PAPOLG: variants seen among roughly 807,000 people sequenced by gnomAD.
The protein encoded by PAPOLG is PAP-gamma.
PAPOLG carries 40 observed loss-of-function variants against 99.0 expected under a neutral mutation model. That is an observed-to-expected ratio of 0.40 (90% CI 0.31 to 0.53). PAPOLG has a LOEUF of 0.53. Among genes scored for constraint, PAPOLG ranks in the 20% least tolerant of loss-of-function variants. The pLI is 0.41. For missense variants in PAPOLG, 675 were observed against 884.1 expected (o/e 0.76, Z 3.00); for synonymous variants, 310 against 299.3 (o/e 1.04, Z -0.37).
At position 60,756,428 on chromosome 2, in the gene PAPOLG, A is replaced by T; in HGVS notation, c.-51A>T. 6.2e-7 allele frequency: 1 copy of T among 1,612,942 alleles called. No individual in the cohort carries two copies. The highest frequency in any genetic ancestry group is 1.1e-5 in the South Asian group (1 of 91,024). Reference sequence around the variant, plus strand: ...ACAGGGGGAGAAGGGAACAGCAAGAACAGGACTCCAGAGCGATAAACACTC... The same window carrying T: ...ACAGGGGGAGAAGGGAACAGCAAGATCAGGACTCCAGAGCGATAAACACTC... On this transcript the variant is annotated 5_prime_UTR_variant, in exon 1 of 22. Transcript: ENST00000238714.
At chr2:60,759,349 CAGAG>C (rs367610206) in intron 1 of PAPOLG, among the ~76,000 whole-genome samples, 2 of 148,858 alleles carry the variant, frequency 1.3e-5, no homozygotes, top group Non-Finnish European at 3.0e-5. Context: ...GCCTGGGAGA[CAGAG>C]AGAGACTCCA....
rs1671631392 is a variant in PAPOLG at position 60,794,221 on chromosome 2, T to A, written c.1989+30T>A. 4 of 1,584,106 alleles carry A rather than the reference T, an allele frequency of 2.5e-6. No homozygotes were observed. The South Asian group carries it at 4.5e-5, about 18-fold the overall frequency. On this transcript the variant is annotated intron_variant, in intron 19 of 21. Transcript: ENST00000238714. ...AGTTACAACTTTAGTGGTAATTCAG[T>A]AGTTGATATTTTTTATAGTTAATAC...
chr2:60,774,814 T>G (rs1179248657), intron 7 of PAPOLG, among the ~76,000 whole-genome samples: 1 of 152,234 alleles, frequency 6.6e-6, no homozygotes, highest in Non-Finnish European at 1.5e-5. Flanking sequence ...TAAAAAATAC[T>G]CAGGCACATC....
chr2:60,758,783 G>T (rs1265194019), intron 1 of PAPOLG, among the ~76,000 whole-genome samples: 1 of 152,066 alleles, frequency 6.6e-6, no homozygotes, highest in Non-Finnish European at 1.5e-5. Flanking sequence ...CTTAGTAGTG[G>T]TAAGACAGTG....
In PAPOLG at chr2:60,783,152, TC is replaced by T. The variant is rs767878465; in HGVS notation, c.1113-3del. Reference sequence around the variant, plus strand: ...TTTCCTGATTGTTGCTGAAAATTCTTCAGACATTATATAGTATTGACTGCCA... The same window carrying T: ...TTTCCTGATTGTTGCTGAAAATTCTTAGACATTATATAGTATTGACTGCCA... On this transcript the variant is annotated splice_polypyrimidine_tract_variant and splice_region_variant and intron_variant, in intron 12 of 21. Coordinates refer to ENST00000238714, the MANE Select transcript of PAPOLG (RefSeq NM_022894.4). 25 of 1,563,764 alleles carry T rather than the reference TC, an allele frequency of 1.6e-5. No homozygotes were observed. Among genetic ancestry groups the T allele is most frequent in the Non-Finnish European group, 2.2e-5 (25 of 1,160,582 alleles).
At position 60,794,000 on chromosome 2, in the gene PAPOLG, C is replaced by T. The variant is rs140373990; in HGVS notation, c.1798C>T (p.Pro600Ser). The change falls in exon 19 of 22, where the codon CCC (proline) becomes TCC (serine). Residue 600 changes from proline to serine, a missense_variant. Coordinates refer to ENST00000238714, the MANE Select transcript of PAPOLG (RefSeq NM_022894.4). ...TGACTCTACAGTAAAAACTGTATCACCCCCCACTGTGTGTACCATTCCTAC... is the reference window on the plus strand; with the variant it reads ...TGACTCTACAGTAAAAACTGTATCATCCCCCACTGTGTGTACCATTCCTAC... ...KVDSTVKTVSPPTVCTIPTVV... is the reference protein window; with the variant it reads ...KVDSTVKTVSSPTVCTIPTVV... 3.1e-6 allele frequency: 5 copies of T among 1,611,004 alleles called. No individual in the cohort carries two copies. The highest frequency in any genetic ancestry group is 1.1e-5 in the South Asian group (1 of 90,982).
intron 8 of PAPOLG, among the ~76,000 whole-genome samples, chr2:60,775,762 C>CTTTTTTTTTTTTTTTTTTTT (rs56074091): frequency 6.9e-6 from 1 of 145,924 alleles, no homozygotes. Flanking sequence ...ATACTGTAGT[C>CTTTTTTTTTTTTTTTTTTTT]TTTTTTTTTT....
chr2:60,789,197 G>A (rs1187673468), intron 15 of PAPOLG, among the ~76,000 whole-genome samples: 1 of 152,000 alleles, frequency 6.6e-6, no homozygotes, highest in Non-Finnish European at 1.5e-5. Context: ...GGAGCGGGGA[G>A]GGATAGCTTT....
At chr2:60,771,427 C>A (rs1036582842) in intron 6 of PAPOLG, 92 bp from the exon 7 acceptor site, 2 of 1,429,726 alleles carry the variant, frequency 1.4e-6, no homozygotes, top group East Asian at 2.6e-5. Flanking sequence ...AAACTCATAA[C>A]CAGAGCTTTT....
At chr2:60,764,998 TAA>T (rs1179204692) in intron 3 of PAPOLG, among the ~76,000 whole-genome samples, 1 of 152,166 alleles carries the variant, frequency 6.6e-6, no homozygotes, top group African/African-American at 2.4e-5. Flanking sequence ...TCAAAAAAAA[TAA>T]AGTTAGTTAA....
intron 21 of PAPOLG, 100 bp downstream of exon 21, chr2:60,795,120 AGTAAG>A: frequency 9.4e-7 from 1 of 1,069,084 alleles, no homozygotes; most frequent in Non-Finnish European, 1.4e-6. Context: ...ACTGGGAAAA[AGTAAG>A]ATTTTGTCCC....
rs745778062 is a variant in PAPOLG, at chr2:60,795,053, C to T, written c.2112+33C>T. ...GATAGTCTTGTTCATAGGTACAGTA[C>T]ATAGGTAAAAACTCATAGGTAATCT... On this transcript the variant is annotated intron_variant, in intron 21 of 21. Transcript: ENST00000238714. The T allele has an allele frequency of 3.9e-6, 6 of 1,549,608 alleles. No homozygotes were observed. The African/African-American group carries it at 5.5e-5, about 14-fold the overall frequency.
intron 15 of PAPOLG, among the ~76,000 whole-genome samples, chr2:60,790,026 G>A (rs532454293): frequency 3.3e-5 from 5 of 152,250 alleles, no homozygotes; most frequent in African/African-American, 9.6e-5. Context: ...CCTGGGAGGC[G>A]GAGGTTGCAG....
In PAPOLG at chr2:60,792,283, CAG is replaced by C; in HGVS notation, c.1675_1676del (p.Glu559LysfsTer3). 1 of 1,599,168 alleles carries C rather than the reference CAG, an allele frequency of 6.3e-7. No homozygotes were observed. Among genetic ancestry groups the C allele is most frequent in the Non-Finnish European group, 8.5e-7 (1 of 1,175,168 alleles). On this transcript the variant is annotated frameshift_variant, in exon 17 of 22. Transcript: ENST00000238714. LOFTEE classifies it high-confidence loss of function. ...TCTGATAGCCCTTCTGTAGGAGAAA[CAG>C]AAAGGTCTGTCTTTATTTCAAATGT...
intron 8 of PAPOLG, among the ~76,000 whole-genome samples, chr2:60,777,675 A>G (rs1310790520): frequency 1.3e-5 from 2 of 152,164 alleles, no homozygotes; most frequent in African/African-American, 4.8e-5. Flanking sequence ...TTTGATTTAA[A>G]GTGAGAGACA....
intron 21 of PAPOLG, among the ~76,000 whole-genome samples, chr2:60,796,571 C>G (rs1353012546): frequency 6.6e-6 from 1 of 152,150 alleles, no homozygotes; most frequent in Non-Finnish European, 1.5e-5. Flanking sequence ...ACTTAAGTAT[C>G]TCACAGATTG....
chr2:60,785,010 TAA>T (rs907952314), intron 13 of PAPOLG, among the ~76,000 whole-genome samples: 3 of 152,242 alleles, frequency 2.0e-5, no homozygotes, highest in African/African-American at 4.8e-5. Context: ...TTCTAATTCA[TAA>T]AGTCATTAAT....
In PAPOLG at chr2:60,756,410, G is replaced by A. The variant is rs1039065515; in HGVS notation, c.-69G>A. On this transcript the variant is annotated 5_prime_UTR_variant, in exon 1 of 22. Transcript: ENST00000238714. ...GCGACCGGAGGAAAGTGAACAGGGGGAGAAGGGAACAGCAAGAACAGGACT... is the reference window on the plus strand; with the variant it reads ...GCGACCGGAGGAAAGTGAACAGGGGAAGAAGGGAACAGCAAGAACAGGACT... The A allele has an allele frequency of 3.1e-5, 50 of 1,606,950 alleles. No individual in the cohort carries two copies. The highest frequency in any genetic ancestry group is 4.0e-5 in the Non-Finnish European group (47 of 1,173,910).
At chr2:60,779,128 G>A (rs900426804) in intron 8 of PAPOLG, among the ~76,000 whole-genome samples, 7 of 151,962 alleles carry the variant, frequency 4.6e-5, no homozygotes, top group African/African-American at 1.7e-4. Context: ...TGATATCAGT[G>A]GTGTATTCTA....
Sources: allele counts gnomAD v4.1 joint callset (sites outside exome capture counted in the v4.1 genomes callset), GRCh38; gene constraint gnomAD v4.1.1; transcripts MANE v1.5; gene names NCBI Gene and HGNC (gene_info 2026-07-23, HGNC 2026-07-21).